The following LGSN variants were observed in gnomAD, a reference collection of about 807,000 sequenced individuals.
LGSN encodes lengsin.
A neutral mutation model predicts 19.5 loss-of-function variants in LGSN; 21 were observed. That is an observed-to-expected ratio of 1.07 (90% CI 0.76 to 1.55). The LOEUF is 1.55. Ranked by LOEUF, LGSN falls within the 40% of genes most tolerant of loss-of-function variation. The probability of loss-of-function intolerance (pLI) is 0.00; values close to 1 mark genes in which losing one functional copy is unlikely to be tolerated. For synonymous variants in LGSN, 257 were observed against 215.6 expected, an observed-to-expected ratio of 1.19 and a Z score of -1.68; for missense variants, 673 against 608.5, an observed-to-expected ratio of 1.11 and a Z score of -1.12.
At chr6:63,542,363 A>G in the LGSN span, among the ~76,000 whole-genome samples, 1 of 152,022 alleles carries the variant, frequency 6.6e-6, no homozygotes, top group East Asian at 1.9e-4. Flanking sequence ...AATCTCACAA[A>G]TCACCACTAA....
the LGSN span, among the ~76,000 whole-genome samples, chr6:63,445,420 C>A: frequency 1.8e-3 from 269 of 152,206 alleles, no homozygotes; most frequent in African/African-American, 6.0e-3. Context: ...GAGCTCGCGA[C>A]CAGCCTGGCC....
the LGSN span, among the ~76,000 whole-genome samples, chr6:63,547,808 G>A: frequency 6.6e-6 from 1 of 151,862 alleles, no homozygotes; most frequent in African/African-American, 2.4e-5. Flanking sequence ...ACTGCGCCCG[G>A]CCCAGGGGGG....
chr6:63,434,230 G>C, the LGSN span, among the ~76,000 whole-genome samples: 1 of 152,020 alleles, frequency 6.6e-6, no homozygotes, highest in Non-Finnish European at 1.5e-5. Context: ...CCTGAGGTCA[G>C]GAGTCCGAGC....
upstream of LGSN, among the ~76,000 whole-genome samples, chr6:63,321,262 G>T (rs1458264030): frequency 3.9e-5 from 6 of 151,952 alleles, no homozygotes; most frequent in African/African-American, 1.5e-4. Context: ...ACTTTTTCTT[G>T]CATGTGCTTG....
the LGSN span, among the ~76,000 whole-genome samples, chr6:63,449,575 G>A: frequency 1.3e-4 from 20 of 151,584 alleles, no homozygotes; most frequent in Non-Finnish European, 1.9e-4. Flanking sequence ...GAAATAATCT[G>A]GGATAATGGT....
chr6:63,519,943 A>G, the LGSN span, among the ~76,000 whole-genome samples: 1 of 152,334 alleles, frequency 6.6e-6, no homozygotes, highest in African/African-American at 2.4e-5. Context: ...CAACACATTA[A>G]AATTCAGTAG....
chr6:63,336,161 A>G, the LGSN span, among the ~76,000 whole-genome samples: 1 of 152,222 alleles, frequency 6.6e-6, no homozygotes, highest in East Asian at 1.9e-4. Flanking sequence ...ATAGTAGAGT[A>G]AGGTGAGACT....
At chr6:63,443,498 T>G in the LGSN span, 2 of 451,898 alleles carry the variant, frequency 4.4e-6, no homozygotes, top group South Asian at 6.6e-5. Flanking sequence ...CCTCTCACCT[T>G]TGCACCAGCG....
the LGSN span, among the ~76,000 whole-genome samples, chr6:63,439,517 TAA>T: frequency 6.8e-6 from 1 of 146,358 alleles, no homozygotes. Context: ...TCTGTCTCAT[TAA>T]AAAAAAAAAA....
At chr6:63,316,674 A>T (rs1246002150) in intron 1 of LGSN, among the ~76,000 whole-genome samples, 1 of 152,098 alleles carries the variant, frequency 6.6e-6, no homozygotes, top group African/African-American at 2.4e-5. Context: ...CAGGACAAAA[A>T]TAATTTGTGA....
chr6:63,502,249 A>G, the LGSN span, among the ~76,000 whole-genome samples: 1 of 152,214 alleles, frequency 6.6e-6, no homozygotes, highest in African/African-American at 2.4e-5. Context: ...TGAGTTAACT[A>G]TCTATTAGAG....
the LGSN span, among the ~76,000 whole-genome samples, chr6:63,473,126 A>C: frequency 6.6e-6 from 1 of 151,916 alleles, no homozygotes; most frequent in Non-Finnish European, 1.5e-5. Context: ...GTGGTTTGAC[A>C]TACTGTCCTG....
At chr6:63,426,248 A>C in the LGSN span, among the ~76,000 whole-genome samples, 1 of 152,206 alleles carries the variant, frequency 6.6e-6, no homozygotes, top group African/African-American at 2.4e-5. Context: ...TGATCCTTAG[A>C]GATTTGCTTT....
At chr6:63,331,170 T>C in the LGSN span, among the ~76,000 whole-genome samples, 1 of 152,092 alleles carries the variant, frequency 6.6e-6, no homozygotes, top group South Asian at 2.1e-4. Flanking sequence ...GAAGGGGAGC[T>C]ACAGGGAGGC....
chr6:63,467,586 C>T, the LGSN span, among the ~76,000 whole-genome samples: 8 of 152,214 alleles, frequency 5.3e-5, no homozygotes, highest in African/African-American at 1.9e-4. Flanking sequence ...TGCACATGGA[C>T]GTTTCTCTGT....
chr6:63,509,061 G>A, the LGSN span, among the ~76,000 whole-genome samples: 211 of 150,940 alleles, frequency 1.4e-3, 1 homozygote, highest in Non-Finnish European at 2.2e-3. Flanking sequence ...TGTAATAAAG[G>A]AAAAAAATTT....
chr6:63,421,988 G>A, the LGSN span, among the ~76,000 whole-genome samples: 2 of 152,028 alleles, frequency 1.3e-5, no homozygotes, highest in Admixed American at 1.3e-4. Flanking sequence ...AAACCCAAAT[G>A]GTACAAACCC....
chr6:63,312,271 A>G (rs924464848), intron 1 of LGSN, among the ~76,000 whole-genome samples: 2 of 152,204 alleles, frequency 1.3e-5, no homozygotes, highest in African/African-American at 4.8e-5. Flanking sequence ...GGGAGTGTAG[A>G]TATCTCTTCA....
intron 1 of LGSN, among the ~76,000 whole-genome samples, chr6:63,314,172 G>A (rs1033446773): frequency 6.6e-6 from 1 of 152,120 alleles, no homozygotes; most frequent in South Asian, 2.1e-4. Flanking sequence ...ATGATGTTAG[G>A]AGGTAGAGCC....
Sources: gnomAD v4.1 joint callset for allele counts (sites outside exome capture counted in the v4.1 genomes callset) on GRCh38, gnomAD v4.1.1 for gene constraint, MANE v1.5 for transcripts, NCBI Gene and HGNC (gene_info 2026-07-23, HGNC 2026-07-21) for gene names.